GRIK1: variants seen among roughly 807,000 people sequenced by gnomAD.
GRIK1 encodes glutamate receptor ionotropic, kainate 1.
In GRIK1, 69 loss-of-function variants were observed where a neutral mutation model predicts 105.7. The ratio of observed to expected loss-of-function variants is 0.65; its 90% CI spans 0.54 to 0.80. The LOEUF (loss-of-function observed/expected upper bound fraction) is 0.80, where lower values mean the gene tolerates loss of function less well. Among genes scored for constraint, GRIK1 ranks in the 30% least tolerant of loss-of-function variants. GRIK1 has a pLI of 0.00. For synonymous variants in GRIK1, 438 were observed against 431.3 expected (o/e 1.02, Z -0.19); for missense variants, 1,109 against 1,167.3 (o/e 0.95, Z 0.73).
At chr21:29,663,321 A>G (rs996744693) in intron 4 of GRIK1, among the ~76,000 whole-genome samples, 4 of 152,200 alleles carry the variant, frequency 2.6e-5, no homozygotes, top group African/African-American at 9.7e-5. Context: ...GCTTTATCTT[A>G]AGTAGGATGC....
intron 1 of GRIK1, among the ~76,000 whole-genome samples, chr21:29,714,843 G>A (rs1430747165): frequency 2.6e-5 from 4 of 152,024 alleles, no homozygotes; most frequent in Non-Finnish European, 5.9e-5. Context: ...TTACTAAATG[G>A]GGATGATAAC....
chr21:29,794,773 CT>C (rs1233053909), intron 1 of GRIK1, among the ~76,000 whole-genome samples: 1 of 152,106 alleles, frequency 6.6e-6, no homozygotes, highest in Non-Finnish European at 1.5e-5. Context: ...AAATATGTCT[CT>C]GAGTAACTAA....
intron 1 of GRIK1, among the ~76,000 whole-genome samples, chr21:29,718,271 G>A (rs539713765): frequency 6.6e-6 from 1 of 152,312 alleles, no homozygotes; most frequent in Admixed American, 6.5e-5. Flanking sequence ...ATGTTAAGCA[G>A]CTTTCCTTCT....
At chr21:29,618,447 G>A (rs548458507) in intron 7 of GRIK1, among the ~76,000 whole-genome samples, 7 of 152,196 alleles carry the variant, frequency 4.6e-5, no homozygotes, top group Non-Finnish European at 8.8e-5. Context: ...GGAAAACAGC[G>A]TGGCGATTCC....
intron 1 of GRIK1, among the ~76,000 whole-genome samples, chr21:29,756,347 CTCCAG>C (rs1308812985): frequency 2.6e-5 from 4 of 152,100 alleles, no homozygotes; most frequent in African/African-American, 9.7e-5. Context: ...TGCCACTGCA[CTCCAG>C]CCTGGGCAAC....
intron 1 of GRIK1, among the ~76,000 whole-genome samples, chr21:29,770,177 C>T (rs575846978): frequency 3.3e-5 from 5 of 152,276 alleles, no homozygotes; most frequent in South Asian, 4.1e-4. Flanking sequence ...CTAGACAACT[C>T]GCGTTTTAAA....
intron 1 of GRIK1, among the ~76,000 whole-genome samples, chr21:29,706,035 G>C (rs895646306): frequency 1.3e-5 from 2 of 151,700 alleles, no homozygotes; most frequent in Non-Finnish European, 2.9e-5. Flanking sequence ...CACCACACCC[G>C]GCTAGTTTTT....
chr21:29,620,796 T>TATATATAG (rs2061975299), intron 7 of GRIK1, among the ~76,000 whole-genome samples: 1 of 112,396 alleles, frequency 8.9e-6, no homozygotes, highest in African/African-American at 4.9e-5. Flanking sequence ...TATATATCTA[T>TATATATAG]ATATATATAG....
At chr21:29,734,366 C>CTTTTCTTTTCTTT (rs1248770833) in intron 1 of GRIK1, among the ~76,000 whole-genome samples, 57 of 24,328 alleles carry the variant, frequency 2.3e-3, no homozygotes, top group African/African-American at 5.1e-3. Flanking sequence ...CTTTTCTTTT[C>CTTTTCTTTTCTTT]TTTTCTTTTC....
intron 1 of GRIK1, among the ~76,000 whole-genome samples, chr21:29,875,522 T>C (rs905748676): frequency 1.8e-4 from 27 of 152,092 alleles, no homozygotes; most frequent in African/African-American, 6.5e-4. Flanking sequence ...GCAACCACAA[T>C]GATTTACGCC....
chr21:29,919,787 G>GTT (rs2071129715), intron 1 of GRIK1, among the ~76,000 whole-genome samples: 1 of 152,124 alleles, frequency 6.6e-6, no homozygotes, highest in Non-Finnish European at 1.5e-5. Context: ...GTTTGAAGAG[G>GTT]TTTAATGTGC....
chr21:29,751,659 C>T (rs1182271892), intron 1 of GRIK1, among the ~76,000 whole-genome samples: 1 of 152,170 alleles, frequency 6.6e-6, no homozygotes, highest in Non-Finnish European at 1.5e-5. Flanking sequence ...TTGCTAATGC[C>T]TCTCAGCCTG....
intron 1 of GRIK1, among the ~76,000 whole-genome samples, chr21:29,810,809 C>A (rs919537192): frequency 3.3e-5 from 5 of 152,074 alleles, no homozygotes; most frequent in Non-Finnish European, 7.4e-5. Flanking sequence ...TTGAAATGTT[C>A]ATCAAGCATC....
intron 1 of GRIK1, among the ~76,000 whole-genome samples, chr21:29,728,517 G>A (rs891868863): frequency 6.6e-6 from 1 of 152,132 alleles, no homozygotes; most frequent in Non-Finnish European, 1.5e-5. Context: ...ATAAGAATGA[G>A]GATGTGAGAG....
At chr21:29,747,830 A>C (rs923373714) in intron 1 of GRIK1, among the ~76,000 whole-genome samples, 5 of 152,238 alleles carry the variant, frequency 3.3e-5, no homozygotes, top group Non-Finnish European at 7.3e-5. Flanking sequence ...TCCATCTCAA[A>C]GAAAAAAGAA....
intron 7 of GRIK1, 98 bp downstream of exon 7, chr21:29,642,728 G>A: frequency 6.9e-6 from 7 of 1,014,092 alleles, no homozygotes; most frequent in Admixed American, 4.2e-5. Context: ...TCTCTTAGGG[G>A]CATCATGCCA....
intron 4 of GRIK1, among the ~76,000 whole-genome samples, chr21:29,655,607 A>G (rs542819542): frequency 8.7e-4 from 132 of 152,266 alleles, no homozygotes; most frequent in African/African-American, 3.0e-3. Context: ...TGAATTGTCA[A>G]TACTGGTATG....
At position 29,684,252 on chromosome 21, in the gene GRIK1, C is replaced by CTCTATCTA. The variant is rs59976698; in HGVS notation, c.544+5468_544+5475dup. Among the ~76,000 whole-genome samples the CTCTATCTA allele has an allele frequency of 5.7e-3, 852 of 149,378 alleles. 2 individuals carry two copies. The highest frequency in any genetic ancestry group is 0.012 in the East Asian group (62 of 5,036). The stretch of plus-strand genomic sequence containing the variant: ...TCTATGAAACAAGGGAATCTATCAT[C>CTCTATCTA]TCTATCTATCTATCTATCTATCTAT... On this transcript the variant is annotated intron_variant, in intron 3 of 17. Coordinates refer to ENST00000327783, the MANE Select transcript of GRIK1 (RefSeq NM_001330994.2).
intron 7 of GRIK1, among the ~76,000 whole-genome samples, chr21:29,600,520 C>T (rs1262683557): frequency 1.3e-5 from 2 of 152,190 alleles, no homozygotes; most frequent in South Asian, 2.1e-4. Context: ...ATCCACTTAG[C>T]TGTTTTTCTC....
Sources: gnomAD v4.1 joint callset for allele counts (sites outside exome capture counted in the v4.1 genomes callset) on GRCh38, gnomAD v4.1.1 for gene constraint, MANE v1.5 for transcripts, NCBI Gene and HGNC (gene_info 2026-07-23, HGNC 2026-07-21) for gene names.